SLC71A2: variants seen among roughly 807,000 people sequenced by gnomAD.
SLC71A2 encodes the protein hippocampus abundant transcript-like 1.
At chr9:94,431,893 C>T in the SLC71A2 span, among the ~76,000 whole-genome samples, 2 of 152,186 alleles carry the variant, frequency 1.3e-5, no homozygotes, top group African/African-American at 4.8e-5. Context: ...GTTCCAGCTT[C>T]AGGAGGCCAA....
At chr9:94,448,942 CATT>C in the SLC71A2 span, among the ~76,000 whole-genome samples, 1 of 152,166 alleles carries the variant, frequency 6.6e-6, no homozygotes, top group Non-Finnish European at 1.5e-5. Flanking sequence ...CTTTCCCAGG[CATT>C]TCTCTTTTGT....
chr9:94,411,329 T>TA, the SLC71A2 span, among the ~76,000 whole-genome samples: 1 of 147,494 alleles, frequency 6.8e-6, no homozygotes, highest in Non-Finnish European at 1.5e-5. Flanking sequence ...AGGTTTTTTG[T>TA]TTCACTTTGT....
the SLC71A2 span, among the ~76,000 whole-genome samples, chr9:94,375,445 C>T: frequency 6.6e-6 from 1 of 151,606 alleles, no homozygotes; most frequent in Non-Finnish European, 1.5e-5. Flanking sequence ...CCTCTTTCTC[C>T]AGTTTTACTT....
At chr9:94,458,304 T>G in the SLC71A2 span, 2 of 1,592,882 alleles carry the variant, frequency 1.3e-6, no homozygotes, top group Non-Finnish European at 1.7e-6. Flanking sequence ...TGGCATTATT[T>G]TCTTTGTTCT....
the SLC71A2 span, chr9:94,433,148 G>C: frequency 1.1e-5 from 3 of 278,376 alleles, no homozygotes; most frequent in South Asian, 1.1e-4. Context: ...GCAGCTTGCC[G>C]TGCAGGCCAG....
chr9:94,453,722 G>A, the SLC71A2 span, among the ~76,000 whole-genome samples: 1 of 152,170 alleles, frequency 6.6e-6, no homozygotes, highest in African/African-American at 2.4e-5. Context: ...AGAGCACCAG[G>A]TAGACAGGCT....
chr9:94,460,139 C>G, the SLC71A2 span: 2 of 152,128 alleles, frequency 1.3e-5, no homozygotes, highest in South Asian at 4.2e-4. Flanking sequence ...TGGTTGGGTC[C>G]AAGGTGATTT....
the SLC71A2 span, among the ~76,000 whole-genome samples, chr9:94,445,461 A>G: frequency 6.6e-6 from 1 of 152,180 alleles, no homozygotes; most frequent in East Asian, 1.9e-4. Context: ...GGTTGTTTTC[A>G]TCCTTTTTAA....
the SLC71A2 span, among the ~76,000 whole-genome samples, chr9:94,438,245 A>T: frequency 1.3e-5 from 2 of 151,758 alleles, no homozygotes; most frequent in Non-Finnish European, 2.9e-5. Flanking sequence ...GCCTAATTTT[A>T]TTTTTTTAGT....
the SLC71A2 span, among the ~76,000 whole-genome samples, chr9:94,442,856 A>C: frequency 1.2e-3 from 175 of 151,734 alleles, 3 homozygotes; most frequent in East Asian, 0.025. Flanking sequence ...AAAAAAAAAA[A>C]TGTCCCCCAA....
At chr9:94,451,603 T>TAA in the SLC71A2 span, 1 of 760,616 alleles carries the variant, frequency 1.3e-6, no homozygotes, top group African/African-American at 1.8e-5. Context: ...AAGCCACATA[T>TAA]AAAAATGCAG....
the SLC71A2 span, among the ~76,000 whole-genome samples, chr9:94,442,873 A>C: frequency 6.6e-6 from 1 of 151,654 alleles, no homozygotes; most frequent in African/African-American, 2.4e-5. Flanking sequence ...CCAAAACTCC[A>C]AAAATTAACA....
At chr9:94,455,162 T>TA in the SLC71A2 span, among the ~76,000 whole-genome samples, 1 of 98,336 alleles carries the variant, frequency 1.0e-5, no homozygotes, top group Non-Finnish European at 2.0e-5. Flanking sequence ...TTTCCTTTTT[T>TA]TTTTTTTTTT....
chr9:94,450,848 C>T, the SLC71A2 span, among the ~76,000 whole-genome samples: 1 of 152,148 alleles, frequency 6.6e-6, no homozygotes, highest in African/African-American at 2.4e-5. Context: ...GTAGACATTT[C>T]GGAGATACTG....
At chr9:94,445,644 C>T in the SLC71A2 span, among the ~76,000 whole-genome samples, 1 of 152,008 alleles carries the variant, frequency 6.6e-6, no homozygotes, top group African/African-American at 2.4e-5. Context: ...CCCTCTCTAC[C>T]TCCCTCCCTT....
At chr9:94,450,479 G>T in the SLC71A2 span, among the ~76,000 whole-genome samples, 6 of 123,440 alleles carry the variant, frequency 4.9e-5, no homozygotes, top group Admixed American at 8.6e-5. Flanking sequence ...TTAATATAGG[G>T]CAAAATAATG....
At chr9:94,397,022 A>G in the SLC71A2 span, among the ~76,000 whole-genome samples, 1 of 152,184 alleles carries the variant, frequency 6.6e-6, no homozygotes, top group African/African-American at 2.4e-5. Flanking sequence ...CACCTGCCTC[A>G]GCCTCTCAAA....
At chr9:94,405,005 T>A in the SLC71A2 span, among the ~76,000 whole-genome samples, 1 of 152,140 alleles carries the variant, frequency 6.6e-6, no homozygotes, top group Non-Finnish European at 1.5e-5. Context: ...CCATTTTGAA[T>A]TAACTTTTAT....
At chr9:94,418,040 A>G in the SLC71A2 span, among the ~76,000 whole-genome samples, 1 of 152,054 alleles carries the variant, frequency 6.6e-6, no homozygotes, top group African/African-American at 2.4e-5. Context: ...TATTTTTAGT[A>G]GAGACGACGG....
Sources: gnomAD v4.1 joint callset for allele counts (sites outside exome capture counted in the v4.1 genomes callset) on GRCh38, gnomAD v4.1.1 for gene constraint, MANE v1.5 for transcripts, NCBI Gene and HGNC (gene_info 2026-07-23, HGNC 2026-07-21) for gene names.